SDK1: variants seen among roughly 807,000 people sequenced by gnomAD.
SDK1 encodes protein sidekick-1.
SDK1 carries 157 observed loss-of-function variants against 245.5 expected under a neutral mutation model. The ratio of observed to expected loss-of-function variants is 0.64; its 90% CI spans 0.56 to 0.73. The LOEUF is 0.73. SDK1 is among the 30% of genes least tolerant of loss of function. The pLI, the probability that SDK1 is intolerant of heterozygous loss-of-function variation, is 0.00. For missense variants in SDK1, 3,583 were observed against 3,002.3 expected, an observed-to-expected ratio of 1.19 and a Z score of -4.52; for synonymous variants, 1,647 against 1,278.5, an observed-to-expected ratio of 1.29 and a Z score of -6.15.
chr7:4,268,846 A>G lies in SDK1; in HGVS notation c.*3462A>G. ...TCCTTCCCGCGTCACCTTCTGGTTT[A>G]GGGAGCCGTCAGGTCCCTAAACGTT... On this transcript the variant is annotated 3_prime_UTR_variant, in exon 45 of 45. Transcript: ENST00000404826. 2 of 916,978 alleles carry G rather than the reference A, an allele frequency of 2.2e-6. No individual in the cohort carries two copies. The highest frequency in any genetic ancestry group is 5.1e-5 in the East Asian group (1 of 19,588). The allele number at this position is 916,978 out of a possible 1,614,324, so 56.8% of individuals were successfully genotyped here. A position where few individuals can be genotyped will look rare whatever the true frequency, so the allele number is the denominator to read the frequency against.
intron 35 of SDK1, among the ~76,000 whole-genome samples, chr7:4,195,723 C>A (rs1012221610): frequency 2.0e-5 from 3 of 152,176 alleles, no homozygotes; most frequent in African/African-American, 7.2e-5. Context: ...GGCTCAATCT[C>A]CTTGCCTGCA....
chr7:3,581,451 C>G (rs1219161085), intron 1 of SDK1, among the ~76,000 whole-genome samples: 1 of 152,146 alleles, frequency 6.6e-6, no homozygotes, highest in African/African-American at 2.4e-5. Flanking sequence ...AATGAGATGC[C>G]ATCTCACATT....
intron 4 of SDK1, among the ~76,000 whole-genome samples, chr7:3,731,760 A>G (rs1371250784): frequency 2.0e-5 from 3 of 152,178 alleles, no homozygotes; most frequent in Non-Finnish European, 4.4e-5. Flanking sequence ...AAAATTCTCC[A>G]TGGAGAAGAA....
chr7:3,585,394 A>C (rs908503737), intron 1 of SDK1, among the ~76,000 whole-genome samples: 4 of 152,242 alleles, frequency 2.6e-5, no homozygotes, highest in African/African-American at 9.6e-5. Flanking sequence ...TCTCATAGAG[A>C]TAATTGATGA....
chr7:4,101,700 T>C (rs568121736), intron 22 of SDK1, among the ~76,000 whole-genome samples: 3 of 152,270 alleles, frequency 2.0e-5, no homozygotes, highest in East Asian at 1.9e-4. Context: ...ATCGCGGTTC[T>C]GGGGTGAGGC....
Position 3,725,680 on chromosome 7 carries a change from C to G in SDK1, c.713+83575C>G, listed in dbSNP as rs191320274. 1.6e-4 allele frequency among the ~76,000 whole-genome samples: 25 copies of G among 152,302 alleles called. No individual in the cohort carries two copies. In the East Asian group the frequency reaches 4.8e-3, roughly 29 times the overall value. ...AAAATAATCAAAGCATTCTCTGTCC[C>G]TGGAGCCCCAGCCGTAAGTGGACAA... is the stretch of plus-strand genomic sequence containing the variant. On this transcript the variant is annotated intron_variant, in intron 4 of 44. Coordinates refer to ENST00000404826, the MANE Select transcript of SDK1 (RefSeq NM_152744.4).
intron 30 of SDK1, among the ~76,000 whole-genome samples, chr7:4,157,344 A>G (rs9297131): frequency 1.0e-4 from 13 of 130,514 alleles, no homozygotes; most frequent in African/African-American, 2.1e-4. Context: ...AGAGAAGGGA[A>G]GAAGGAAGGA....
chr7:3,803,070 A>T (rs889635791), intron 4 of SDK1, among the ~76,000 whole-genome samples: 1 of 152,050 alleles, frequency 6.6e-6, no homozygotes, highest in Non-Finnish European at 1.5e-5. Context: ...TGGCTATACT[A>T]TTTTTCATTC....
chr7:3,507,660 AC>A (rs1782434498), intron 1 of SDK1, among the ~76,000 whole-genome samples: 1 of 152,194 alleles, frequency 6.6e-6, no homozygotes, highest in South Asian at 2.1e-4. Flanking sequence ...AAAGCCTGAC[AC>A]ATTCTAAGTG....
At chr7:3,489,372 A>G (rs951283607) in intron 1 of SDK1, among the ~76,000 whole-genome samples, 1 of 152,148 alleles carries the variant, frequency 6.6e-6, no homozygotes, top group African/African-American at 2.4e-5. Flanking sequence ...TTTTCCGGTG[A>G]TTTTTGTCTT....
intron 1 of SDK1, among the ~76,000 whole-genome samples, chr7:3,385,762 A>C (rs897617767): frequency 6.6e-6 from 1 of 152,196 alleles, no homozygotes; most frequent in African/African-American, 2.4e-5. Context: ...GGTGAGATGG[A>C]GATCATATTT....
At chr7:3,590,117 G>A (rs1198732169) in intron 1 of SDK1, among the ~76,000 whole-genome samples, 1 of 152,150 alleles carries the variant, frequency 6.6e-6, no homozygotes, top group Non-Finnish European at 1.5e-5. Context: ...TTATAAAATG[G>A]AAAACTAAAA....
intron 1 of SDK1, among the ~76,000 whole-genome samples, chr7:3,478,839 C>T (rs936043510): frequency 8.6e-5 from 13 of 151,746 alleles, no homozygotes; most frequent in African/African-American, 1.5e-4. Context: ...TAAATGTGTA[C>T]GTTTTTTTCT....
chr7:3,969,065 C>T (rs1019928187), intron 10 of SDK1, among the ~76,000 whole-genome samples, 192 bp from the exon 11 acceptor site: 3 of 152,160 alleles, frequency 2.0e-5, no homozygotes, highest in Non-Finnish European at 4.4e-5. Flanking sequence ...GAGAACATCA[C>T]GGGGGAACCA....
intron 5 of SDK1, 119 bp from the exon 6 acceptor site, chr7:3,950,804 T>C: frequency 7.3e-6 from 5 of 687,210 alleles, no homozygotes; most frequent in Non-Finnish European, 7.8e-6. Flanking sequence ...TCTGTAGGGA[T>C]TGGTACTCTC....
chr7:3,787,259 A>C (rs906690008), intron 4 of SDK1, among the ~76,000 whole-genome samples: 1 of 151,962 alleles, frequency 6.6e-6, no homozygotes, highest in Non-Finnish European at 1.5e-5. Flanking sequence ...TAATTACCTG[A>C]CATTGTTTGA....
At chr7:4,200,790 C>G (rs1371356066) in intron 35 of SDK1, among the ~76,000 whole-genome samples, 5 of 152,214 alleles carry the variant, frequency 3.3e-5, no homozygotes, top group Non-Finnish European at 5.9e-5. Context: ...AGCCCACATT[C>G]AAGGGAAGGA....
At chr7:4,181,357 C>A (rs891863800) in intron 35 of SDK1, among the ~76,000 whole-genome samples, 5 of 152,224 alleles carry the variant, frequency 3.3e-5, no homozygotes, top group African/African-American at 1.2e-4. Context: ...GATGGACACT[C>A]GGGGGCCTTC....
At chr7:3,302,227 A>C (rs1012365531) in intron 1 of SDK1, 3 of 152,724 alleles carry the variant, frequency 2.0e-5, no homozygotes, top group Non-Finnish European at 2.9e-5. Flanking sequence ...GCTGGTCTGT[A>C]CCTGAGTCTT....
Sources: allele counts gnomAD v4.1 joint callset (sites outside exome capture counted in the v4.1 genomes callset), GRCh38; gene constraint gnomAD v4.1.1; transcripts MANE v1.5; gene names NCBI Gene and HGNC (gene_info 2026-07-23, HGNC 2026-07-21).